DCHS2: variants seen among roughly 807,000 people sequenced by gnomAD.
DCHS2 encodes dachsous cadherin-related 2, also known as protocadherin-23.
A neutral mutation model predicts 182.4 loss-of-function variants in DCHS2; 142 were observed. That is an observed-to-expected ratio of 0.78 (90% confidence interval 0.68 to 0.89). DCHS2 has a LOEUF of 0.89. Ranked by LOEUF, DCHS2 falls within the 40% of genes least tolerant of loss-of-function variation. The pLI is 0.00. For synonymous variants in DCHS2, 1,740 were observed against 1,663.3 expected, an observed-to-expected ratio of 1.05 and a Z score of -1.12; for missense variants, 4,319 against 4,198.6, an observed-to-expected ratio of 1.03 and a Z score of -0.79.
chr4:154,455,420 G>A (rs573590927), intron 1 of DCHS2, among the ~76,000 whole-genome samples: 210 of 152,340 alleles, frequency 1.4e-3, no homozygotes, highest in African/African-American at 5.0e-3. Context: ...CTTGGATCCT[G>A]TCTTTAACAT....
In DCHS2 at chr4:154,491,394, C is replaced by T; in HGVS notation, c.-39G>A. ...CCTTGGGAAGGCTCTCGGGTAACTG[C>T]CAGCTTGTGGCAGGATCGCAGAAAA... On this transcript the variant is annotated 5_prime_UTR_variant, in exon 1 of 20. Coordinates refer to ENST00000357232, the MANE Select transcript of DCHS2 (RefSeq NM_001358235.2). The T allele has an allele frequency of 2.0e-6, 3 of 1,463,726 alleles. No individual in the cohort carries two copies. The highest frequency in any genetic ancestry group is 9.0e-7 in the Non-Finnish European group (1 of 1,105,826). The allele number at this position is 1,463,726 out of a possible 1,614,324, so 90.7% of individuals were successfully genotyped here. A position where few individuals can be genotyped will look rare whatever the true frequency, so the allele number is the denominator to read the frequency against.
chr4:154,236,183 A>C lies in DCHS2; in HGVS notation c.8469T>G (p.Asp2823Glu). Residue 2823 changes from aspartate (D) to glutamate (E), a missense_variant, in exon 20 of 20, where the codon GAT becomes GAG. By Grantham distance (45) the Asp-to-Glu change is conservative. Transcript: ENST00000357232. ...FLTHGMSYDH[D>E]LFLIDPLTGD... ...CTGTCAAAGGGTCAATGAGGAAGAG[A>C]TCATGATCATAAGACATTCCATGAG... The C allele has an allele frequency of 6.2e-7, 1 of 1,613,918 alleles. No individual in the cohort carries two copies. The highest frequency in any genetic ancestry group is 8.5e-7 in the Non-Finnish European group (1 of 1,179,960).
intron 13 of DCHS2, among the ~76,000 whole-genome samples, chr4:154,295,824 T>A (rs1169649554): frequency 6.6e-6 from 1 of 152,168 alleles, no homozygotes; most frequent in Non-Finnish European, 1.5e-5. Flanking sequence ...GTCATGAGTT[T>A]CACACTCTAA....
intron 1 of DCHS2, among the ~76,000 whole-genome samples, chr4:154,442,501 A>C (rs28674849): frequency 0.19 from 22,512 of 120,132 alleles, 2,207 homozygotes; most frequent in African/African-American, 0.26. Context: ...TATTCTCTTC[A>C]CTTTTTTGCT....
intron 13 of DCHS2, among the ~76,000 whole-genome samples, chr4:154,295,157 G>T (rs1411822760): frequency 6.6e-6 from 1 of 152,222 alleles, no homozygotes; most frequent in East Asian, 1.9e-4. Context: ...TGCCTGTATG[G>T]CTGAGGGCCA....
chr4:154,302,961 ACACACACC>A (rs778371101), intron 12 of DCHS2, among the ~76,000 whole-genome samples: 11,134 of 72,744 alleles, frequency 0.15, 665 homozygotes, highest in African/African-American at 0.35. Context: ...ACACACACAC[ACACACACC>A]CACACACACA....
At chr4:154,442,396 C>T (rs577603948) in intron 1 of DCHS2, among the ~76,000 whole-genome samples, 1 of 152,020 alleles carries the variant, frequency 6.6e-6, no homozygotes, top group African/African-American at 2.4e-5. Context: ...TCAAACATGC[C>T]CTTCCTGAGT....
At chr4:154,237,308 A>C (rs1731578966) in intron 19 of DCHS2, 149 bp from the exon 20 acceptor site, 3 of 1,056,352 alleles carry the variant, frequency 2.8e-6, no homozygotes. Flanking sequence ...CCAAATAGAA[A>C]TACAAATTAT....
At chr4:154,365,913 G>T (rs1730330325) in intron 3 of DCHS2, among the ~76,000 whole-genome samples, 1 of 151,754 alleles carries the variant, frequency 6.6e-6, no homozygotes, top group Non-Finnish European at 1.5e-5. Context: ...CCCCCAAAGT[G>T]CTGGGATTAC....
chr4:154,346,988 G>A (rs544915868), intron 3 of DCHS2, among the ~76,000 whole-genome samples: 16 of 151,674 alleles, frequency 1.1e-4, no homozygotes, highest in Admixed American at 6.6e-4. Flanking sequence ...TTAAAGATAC[G>A]TCTGTGACAG....
chr4:154,275,966 A>G (rs1733838710), intron 13 of DCHS2, among the ~76,000 whole-genome samples: 1 of 152,180 alleles, frequency 6.6e-6, no homozygotes, highest in Non-Finnish European at 1.5e-5. Context: ...AAAATACTTC[A>G]AACTAGACAC....
chr4:154,298,271 G>T lies in DCHS2; in HGVS notation c.6043C>A (p.Gln2015Lys). ...FSAVARDCSI[Q>K]GSRSTTVIIK... ...ATTACAGTGGTGCTTCGTGAACCCT[G>T]GATGCTACAGTCTCTGGCCACAGCA... Residue 2015 changes from glutamine to lysine, a missense_variant, in exon 13 of 20, where the codon CAG becomes AAG. Gln to Lys is a moderately conservative substitution (Grantham distance 53). Transcript: ENST00000357232. 1.2e-6 allele frequency: 2 copies of T among 1,614,152 alleles called. No homozygotes were observed. The highest frequency in any genetic ancestry group is 8.5e-7 in the Non-Finnish European group (1 of 1,180,014).
intron 1 of DCHS2, among the ~76,000 whole-genome samples, chr4:154,467,982 A>G (rs989460938): frequency 6.6e-6 from 1 of 152,148 alleles, no homozygotes; most frequent in African/African-American, 2.4e-5. Context: ...AAAATCTGGC[A>G]GGTACACATT....
At chr4:154,266,297 G>C (rs1361139554) in intron 14 of DCHS2, among the ~76,000 whole-genome samples, 5 of 147,400 alleles carry the variant, frequency 3.4e-5, no homozygotes, top group Non-Finnish European at 7.4e-5. Context: ...GATGTTGATG[G>C]TTGGGAGTAC....
chr4:154,434,249 G>A (rs1733681105), intron 1 of DCHS2, among the ~76,000 whole-genome samples: 1 of 152,120 alleles, frequency 6.6e-6, no homozygotes, highest in Non-Finnish European at 1.5e-5. Flanking sequence ...GTAAGACCCT[G>A]TCACTACAGA....
chr4:154,303,484 CAAAAA>C (rs35984605), intron 12 of DCHS2, among the ~76,000 whole-genome samples: 3 of 84,410 alleles, frequency 3.6e-5, no homozygotes, highest in Admixed American at 1.2e-4. Context: ...GTAAGTGAAG[CAAAAA>C]AAAAAAAAAA....
chr4:154,383,962 C>T (rs1227808536), intron 1 of DCHS2, among the ~76,000 whole-genome samples: 6 of 152,090 alleles, frequency 3.9e-5, no homozygotes, highest in Admixed American at 2.0e-4. Context: ...ATTACAATTT[C>T]CAGTTTTTCT....
At chr4:154,442,468 A>G (rs1734062553) in intron 1 of DCHS2, among the ~76,000 whole-genome samples, 1 of 139,474 alleles carries the variant, frequency 7.2e-6, no homozygotes, top group Non-Finnish European at 1.5e-5. Context: ...AAAATCCCCT[A>G]TGTTCTCACC....
At chr4:154,399,365 G>C (rs1203832490) in intron 1 of DCHS2, among the ~76,000 whole-genome samples, 5 of 152,188 alleles carry the variant, frequency 3.3e-5, no homozygotes, top group Non-Finnish European at 5.9e-5. Flanking sequence ...TCTGTTAAGA[G>C]TTAGAGACAG....
Sources: gnomAD v4.1 joint callset for allele counts (sites outside exome capture counted in the v4.1 genomes callset) on GRCh38, gnomAD v4.1.1 for gene constraint, MANE v1.5 for transcripts, NCBI Gene and HGNC (gene_info 2026-07-23, HGNC 2026-07-21) for gene names.